Variants in MMP27 observed in about 807,000 individuals in gnomAD.
MMP27 encodes the protein matrix metallopeptidase 27.
Under a neutral mutation model 48.1 loss-of-function variants are expected in MMP27, and 51 were observed. The ratio of observed to expected loss-of-function variants is 1.06; its 90% CI spans 0.85 to 1.34. The LOEUF (loss-of-function observed/expected upper bound fraction) is 1.34. MMP27 is among the 40% of genes most tolerant of loss of function. The pLI is 0.00. For missense variants in MMP27, 698 were observed against 619.3 expected (o/e 1.13, Z -1.35); for synonymous variants, 229 against 208.9 (o/e 1.10, Z -0.83).
At chr11:102,704,821 G>T in intron 1 of MMP27, 46 bp from the exon 2 acceptor site, 1 of 1,315,122 alleles carries the variant, frequency 7.6e-7, no homozygotes, top group Non-Finnish European at 1.1e-6. Context: ...CAGACTACAG[G>T]AGAGCAAATC....
At chr11:102,695,512 C>T (rs1860808043) in intron 6 of MMP27, among the ~76,000 whole-genome samples, 3 of 152,178 alleles carry the variant, frequency 2.0e-5, no homozygotes, top group African/African-American at 7.2e-5. Flanking sequence ...AATTTCCCTT[C>T]TGGCTGCAAA....
Position 102,694,993 on chromosome 11 carries a change from G to T in MMP27, c.1007C>A (p.Pro336His). The change falls in exon 7 of 10, where the codon CCC (proline) becomes CAC (histidine). Residue 336 changes from proline to histidine, a missense_variant. Transcript: ENST00000260229. ...PADLQAAYEN[P>H]RDKILVFKDE... is the part of the protein sequence containing the mutation. ...TTTAAAAACCAGAATCTTATCTCTG[G>T]GGTTCTCGTATGCAGCTTGCAGATC... The T allele has an allele frequency of 1.2e-6, 2 of 1,613,928 alleles. No homozygotes were observed. Among genetic ancestry groups the T allele is most frequent in the Non-Finnish European group, 1.7e-6 (2 of 1,179,914 alleles).
chr11:102,702,686 C>T, intron 4 of MMP27, 67 bp downstream of exon 4: 1 of 1,510,532 alleles, frequency 6.6e-7, no homozygotes, highest in South Asian at 1.3e-5. Flanking sequence ...CAGCTAGTTA[C>T]AAAGCTATTC....
chr11:102,693,912 C>T lies in MMP27; in HGVS notation c.1187G>A (p.Cys396Tyr), dbSNP rs371948911. 2 of 1,595,050 alleles carry T rather than the reference C, an allele frequency of 1.3e-6. No individual in the cohort carries two copies. Among genetic ancestry groups the T allele is most frequent in the African/African-American group, 2.7e-5 (2 of 73,884 alleles). The change falls in exon 8 of 10, where the codon TGC becomes TAC. Residue 396 changes from cysteine to tyrosine, a missense_variant. By Grantham distance (194) the Cys-to-Tyr change is radical (BLOSUM62 -2). Coordinates refer to ENST00000260229, the MANE Select transcript of MMP27 (RefSeq NM_022122.3). ...RKTYFFVGIW[C>Y]WRFDEMTQTM... Reference sequence around the variant, plus strand: ...CAATTGTCTGTAAACTTACCTCCAGCACCAAATGCCCACAAAGAAGTAGGT... The same window carrying T: ...CAATTGTCTGTAAACTTACCTCCAGTACCAAATGCCCACAAAGAAGTAGGT...
At chr11:102,703,508 C>T (rs1215308844) in intron 2 of MMP27, among the ~76,000 whole-genome samples, 2 of 151,420 alleles carry the variant, frequency 1.3e-5, no homozygotes, top group African/African-American at 4.8e-5. Flanking sequence ...CAGTCTTGTG[C>T]ATGTACCATA....
chr11:102,696,940 T>A (rs958824040), intron 4 of MMP27, 105 bp from the exon 5 acceptor site: 224 of 1,201,254 alleles, frequency 1.9e-4, no homozygotes, highest in Non-Finnish European at 2.2e-4. Context: ...AGGCTTGCTA[T>A]ACAGCAGATA....
At chr11:102,704,958 A>G in intron 1 of MMP27, among the ~76,000 whole-genome samples, 183 bp from the exon 2 acceptor site, 1 of 152,124 alleles carries the variant, frequency 6.6e-6, no homozygotes, top group Non-Finnish European at 1.5e-5. Flanking sequence ...CAAAGAGGAA[A>G]ATAACGAGTC....
At chr11:102,692,074 T>C in intron 9 of MMP27, 64 bp from the exon 10 acceptor site, 1 of 1,369,528 alleles carries the variant, frequency 7.3e-7, no homozygotes, top group East Asian at 2.6e-5. Context: ...TACTTTTAAA[T>C]TTTATAAACA....
At position 102,696,414 on chromosome 11, in the gene MMP27, C is replaced by T. The variant is rs185328145; in HGVS notation, c.859G>A (p.Ala287Thr). 4.0e-5 allele frequency: 64 copies of T among 1,613,690 alleles called. 1 individual carries two copies. Among genetic ancestry groups the T allele is most frequent in the Admixed American group, 1.2e-4 (7 of 59,962 alleles). ...HACDPDLTFD[A>T]ITTFRREVMF... Reference sequence around the variant, plus strand: ...ACTTCTCTGCGGAAAGTTGTGATAGCGTCAAAAGTCAAGTCAGGGTCACAG... The same window carrying T: ...ACTTCTCTGCGGAAAGTTGTGATAGTGTCAAAAGTCAAGTCAGGGTCACAG... The change falls in exon 6 of 10, where the codon GCT becomes ACT. Residue 287 changes from alanine to threonine, a missense_variant. Ala to Thr is a moderately conservative substitution (Grantham distance 58, BLOSUM62 0). Coordinates refer to ENST00000260229, the MANE Select transcript of MMP27 (RefSeq NM_022122.3).
At chr11:102,701,263 C>T (rs756887681) in intron 4 of MMP27, among the ~76,000 whole-genome samples, 30 of 151,632 alleles carry the variant, frequency 2.0e-4, no homozygotes, top group African/African-American at 5.6e-4. Flanking sequence ...CTTGCTCAAG[C>T]GAGCCTTACC....
chr11:102,698,732 C>A (rs893175654), intron 4 of MMP27, among the ~76,000 whole-genome samples: 6 of 152,086 alleles, frequency 3.9e-5, no homozygotes, highest in African/African-American at 1.2e-4. Flanking sequence ...GTCTTCATAC[C>A]TTTGTCTCTT....
At chr11:102,692,521 G>C (rs568732596) in intron 9 of MMP27, among the ~76,000 whole-genome samples, 1 of 152,134 alleles carries the variant, frequency 6.6e-6, no homozygotes, top group Non-Finnish European at 1.5e-5. Context: ...CATTGCCTGA[G>C]GTTCTTTTAA....
rs1243305127 is a variant in MMP27 at position 102,705,548 on chromosome 11, C to T, written c.102+65G>A. ...GCAGGAATGTGTTTTCTTTTTAGGT[C>T]CCAAGAGAATCAATAAAATAAGCTT... On this transcript the variant is annotated intron_variant, in intron 1 of 9. Coordinates refer to ENST00000260229, the MANE Select transcript of MMP27 (RefSeq NM_022122.3). 5.5e-5 allele frequency: 60 copies of T among 1,087,038 alleles called. No individual in the cohort carries two copies. In the East Asian group the frequency reaches 1.6e-3, roughly 29 times the overall value. 67.3% of individuals were successfully genotyped at this position (1,087,038 alleles called of 1,614,324 possible).
chr11:102,704,408 T>G, intron 2 of MMP27, 129 bp downstream of exon 2: 2 of 748,388 alleles, frequency 2.7e-6, no homozygotes, highest in Non-Finnish European at 4.6e-6. Flanking sequence ...GAAGATACCG[T>G]AAATGGAGCC....
chr11:102,693,946 T>C lies in MMP27; in HGVS notation c.1153A>G (p.Thr385Ala), dbSNP rs758471833. The stretch of plus-strand genomic sequence containing the variant: ...CCCACAAAGAAGTAGGTTTTTCTTG[T>C]GGTCTTATCACAGACGGCTGCATCT... ...KIDAAVCDKT[T>A]RKTYFFVGIW... Residue 385 changes from threonine (T) to alanine (A), a missense_variant, in exon 8 of 10, where the codon ACA (threonine) becomes GCA (alanine). By Grantham distance (58) the Thr-to-Ala change is moderately conservative. Transcript: ENST00000260229. 8 of 1,609,134 alleles carry C rather than the reference T, an allele frequency of 5.0e-6. No homozygotes were observed. The highest frequency in any genetic ancestry group is 3.4e-5 in the Admixed American group (2 of 59,252).
Position 102,691,965 on chromosome 11 carries a change from A to T in MMP27, c.1343T>A (p.Ile448Asn). 1 of 1,612,214 alleles carries T rather than the reference A, an allele frequency of 6.2e-7. No individual in the cohort carries two copies. Among genetic ancestry groups the T allele is most frequent in the Non-Finnish European group, 8.5e-7 (1 of 1,179,072 alleles). Residue 448 changes from isoleucine (I) to asparagine (N), a missense_variant, in exon 10 of 10, where the codon ATT becomes AAT. By Grantham distance (149) the Ile-to-Asn change is moderately radical (BLOSUM62 -3). Transcript: ENST00000260229. ...GATTCGGGTAATATTCTTTGTCTTA[A>T]TGTCGTATTCAAATTGCTTTGATCC... ...SRGSKQFEYD[I>N]KTKNITRIMR...
chr11:102,704,912 G>C, intron 1 of MMP27, 137 bp from the exon 2 acceptor site: 1 of 608,238 alleles, frequency 1.6e-6, no homozygotes, highest in Non-Finnish European at 2.9e-6. Flanking sequence ...ATGAGAGAAA[G>C]TGAGGAGTGA....
intron 4 of MMP27, among the ~76,000 whole-genome samples, chr11:102,701,328 C>G (rs376945586): frequency 6.6e-6 from 1 of 152,116 alleles, no homozygotes; most frequent in East Asian, 1.9e-4. Context: ...CCCACATGTC[C>G]CCCTTGGCAG....
rs781173421 is a variant in MMP27, at chr11:102,696,451, A to G, written c.822T>C (p.Thr274=). The G allele has an allele frequency of 1.9e-6, 3 of 1,613,752 alleles. No individual in the cohort carries two copies. Among genetic ancestry groups the G allele is most frequent in the East Asian group, 2.2e-5 (1 of 44,878 alleles). Residue 274 remains threonine (T), a synonymous_variant, in exon 6 of 10, where the codon ACT becomes ACC. Coordinates refer to ENST00000260229, the MANE Select transcript of MMP27 (RefSeq NM_022122.3). ...PKEPAKPKEP[T]IPHACDPDLT... ...AGTCAGGGTCACAGGCATGGGGTATAGTGGGTTCCTTTGGCTTAGCAGGTT... is the reference window on the plus strand; with the variant it reads ...AGTCAGGGTCACAGGCATGGGGTATGGTGGGTTCCTTTGGCTTAGCAGGTT...
Sources: allele counts gnomAD v4.1 joint callset (sites outside exome capture counted in the v4.1 genomes callset), GRCh38; gene constraint gnomAD v4.1.1; transcripts MANE v1.5; gene names NCBI Gene and HGNC (gene_info 2026-07-23, HGNC 2026-07-21).